Variants in SGCD observed in about 807,000 individuals in gnomAD.
The protein encoded by SGCD is delta-sarcoglycan.
Under a neutral mutation model 36.6 loss-of-function variants are expected in SGCD, and 18 were observed. The ratio of observed to expected loss-of-function variants is 0.49; its 90% confidence interval spans 0.34 to 0.73. The LOEUF (loss-of-function observed/expected upper bound fraction) is 0.73. Among genes scored for constraint, SGCD ranks in the 30% least tolerant of loss-of-function variants. The pLI, the probability that SGCD is intolerant of heterozygous loss-of-function variation, is 0.01. For missense variants in SGCD, 387 were observed against 346.7 expected, an observed-to-expected ratio of 1.12 and a Z score of -0.92; for synonymous variants, 133 against 130.6, an observed-to-expected ratio of 1.02 and a Z score of -0.12.
intron 3 of SGCD, among the ~76,000 whole-genome samples, chr5:156,290,956 G>T (rs1766742643): frequency 6.6e-6 from 1 of 152,068 alleles, no homozygotes; most frequent in Admixed American, 6.6e-5. Context: ...TCATCCCTCA[G>T]TATCAATAAG....
intron 4 of SGCD, among the ~76,000 whole-genome samples, chr5:156,549,896 G>C (rs1301637523): frequency 6.6e-6 from 1 of 152,202 alleles, no homozygotes; most frequent in Non-Finnish European, 1.5e-5. Context: ...TCATAGAAAA[G>C]TGGAAACTGA....
chr5:156,254,666 T>C (rs986709311), intron 3 of SGCD, among the ~76,000 whole-genome samples: 2 of 152,008 alleles, frequency 1.3e-5, no homozygotes, highest in Non-Finnish European at 1.5e-5. Flanking sequence ...CTAGGCAACA[T>C]AGCGAGACTC....
intron 6 of SGCD, among the ~76,000 whole-genome samples, chr5:156,637,815 C>T (rs1211008567): frequency 6.6e-6 from 1 of 152,122 alleles, no homozygotes; most frequent in Non-Finnish European, 1.5e-5. Context: ...AAAGCATGCT[C>T]ATTTTAAAGC....
In SGCD at chr5:156,763,403, G is replaced by A. The variant is rs942330870; in HGVS notation, c.*4013G>A. 3.3e-5 allele frequency: 5 copies of A among 152,606 alleles called. No homozygotes were observed. Among genetic ancestry groups the A allele is most frequent in the Admixed American group, 1.3e-4 (2 of 15,278 alleles). The allele number at this position is 152,606 out of a possible 1,614,324, so 9.5% of individuals were successfully genotyped here. On this transcript the variant is annotated 3_prime_UTR_variant, in exon 9 of 9. Coordinates refer to ENST00000337851, the MANE Select transcript of SGCD (RefSeq NM_000337.6). ...CACACCAGGCTTGAAGAGTTAGTGAGACCAACAAATAATTGGAAGTATTGG... is the reference window on the plus strand; with the variant it reads ...CACACCAGGCTTGAAGAGTTAGTGAAACCAACAAATAATTGGAAGTATTGG...
chr5:156,731,669 G>A lies in SGCD; in HGVS notation c.576-25912G>A, dbSNP rs138815758. Among the ~76,000 whole-genome samples, 1,023 of 152,042 alleles carry A rather than the reference G, an allele frequency of 6.7e-3. 5 individuals carry two copies. The highest frequency in any genetic ancestry group is 0.011 in the Non-Finnish European group (781 of 67,918). ...GTTTAGGCTATTCGGGCTCTTTTTT[G>A]GTTCCACATGATTTTTAAAATAGTT... On this transcript the variant is annotated intron_variant, in intron 7 of 8. Transcript: ENST00000337851.
chr5:156,285,500 T>A (rs893525396), intron 3 of SGCD, among the ~76,000 whole-genome samples: 22 of 151,954 alleles, frequency 1.4e-4, no homozygotes, highest in Admixed American at 1.1e-3. Context: ...AACAGAACAG[T>A]GCCCTCAGAA....
intron 3 of SGCD, among the ~76,000 whole-genome samples, chr5:156,421,639 GT>G (rs1386166734): frequency 6.6e-6 from 1 of 151,956 alleles, no homozygotes; most frequent in African/African-American, 2.4e-5. Context: ...GAGCAGATAG[GT>G]CATATCTCAA....
At chr5:156,159,399 G>A (rs977438180) in intron 3 of SGCD, among the ~76,000 whole-genome samples, 2 of 151,180 alleles carry the variant, frequency 1.3e-5, no homozygotes, top group African/African-American at 4.9e-5. Flanking sequence ...TTAGAGTTAA[G>A]CAAATGAAAA....
intron 7 of SGCD, among the ~76,000 whole-genome samples, chr5:156,719,155 G>A (rs1467692360): frequency 6.6e-6 from 1 of 152,022 alleles, no homozygotes; most frequent in Non-Finnish European, 1.5e-5. Context: ...GTAGAGGCTT[G>A]GCACACAAAA....
chr5:156,463,269 C>T (rs907647011), intron 3 of SGCD, among the ~76,000 whole-genome samples: 5 of 152,030 alleles, frequency 3.3e-5, no homozygotes, highest in African/African-American at 1.2e-4. Flanking sequence ...GTCTCGATCT[C>T]CTGACCTTGT....
intron 7 of SGCD, among the ~76,000 whole-genome samples, chr5:156,656,918 T>A (rs947534244): frequency 6.6e-6 from 1 of 152,168 alleles, no homozygotes; most frequent in Non-Finnish European, 1.5e-5. Context: ...TTTGTTTTGT[T>A]TTAATAGAAA....
At chr5:156,118,263 G>C (rs577929875) in intron 2 of SGCD, among the ~76,000 whole-genome samples, 1 of 152,188 alleles carries the variant, frequency 6.6e-6, no homozygotes, top group Admixed American at 6.5e-5. Flanking sequence ...ATGCATGGAA[G>C]CTTATGGGGT....
intron 1 of SGCD, among the ~76,000 whole-genome samples, chr5:156,115,982 T>A (rs1262757510): frequency 6.6e-6 from 1 of 152,166 alleles, no homozygotes; most frequent in Admixed American, 6.6e-5. Context: ...TTCTTACTCT[T>A]GAAATGTTAG....
intron 3 of SGCD, among the ~76,000 whole-genome samples, chr5:156,310,336 C>T (rs1767358995): frequency 6.6e-6 from 1 of 152,196 alleles, no homozygotes; most frequent in Admixed American, 6.5e-5. Context: ...GCAACAGTTG[C>T]TGCTGTCTTT....
intron 1 of SGCD, among the ~76,000 whole-genome samples, chr5:156,087,989 C>T (rs1350545975): frequency 1.3e-5 from 2 of 152,216 alleles, no homozygotes; most frequent in Admixed American, 1.3e-4. Flanking sequence ...CACAAAACCA[C>T]TGAATTCCAT....
the SGCD span, among the ~76,000 whole-genome samples, chr5:155,821,467 C>T: frequency 6.6e-6 from 1 of 152,112 alleles, no homozygotes; most frequent in Non-Finnish European, 1.5e-5. Context: ...GTGCCCACCA[C>T]CACGCCCGGC....
intron 3 of SGCD, among the ~76,000 whole-genome samples, chr5:156,250,831 A>G (rs978735152): frequency 2.0e-5 from 3 of 152,242 alleles, no homozygotes; most frequent in Non-Finnish European, 4.4e-5. Flanking sequence ...TGGAAAATAA[A>G]GCATATCTGA....
intron 1 of SGCD, among the ~76,000 whole-genome samples, chr5:155,906,031 T>G (rs777561731): frequency 9.2e-5 from 14 of 152,154 alleles, no homozygotes; most frequent in Non-Finnish European, 1.9e-4. Context: ...TTAGTTCCAT[T>G]TTTCCAACAG....
chr5:156,652,386 T>A (rs537816783), intron 7 of SGCD, among the ~76,000 whole-genome samples: 35 of 152,020 alleles, frequency 2.3e-4, no homozygotes, highest in African/African-American at 8.0e-4. Context: ...CTGCTTGGGA[T>A]GCTAAGGCAT....
Sources: gnomAD v4.1 joint callset for allele counts (sites outside exome capture counted in the v4.1 genomes callset) on GRCh38, gnomAD v4.1.1 for gene constraint, MANE v1.5 for transcripts, NCBI Gene and HGNC (gene_info 2026-07-23, HGNC 2026-07-21) for gene names.